CDH23: variants seen among roughly 807,000 people sequenced by gnomAD.
The protein encoded by CDH23 is cadherin-23.
A neutral mutation model predicts 317.1 loss-of-function variants in CDH23; 189 were observed. The ratio of observed to expected loss-of-function variants is 0.60; its 90% CI spans 0.53 to 0.67. The LOEUF (loss-of-function observed/expected upper bound fraction) is 0.67. Among genes scored for constraint, CDH23 ranks in the 30% least tolerant of loss-of-function variants. The pLI is 0.00. For missense variants in CDH23, 4,401 were observed against 4,592.4 expected, an observed-to-expected ratio of 0.96 and a Z score of 1.20; for synonymous variants, 1,839 against 1,876.8, an observed-to-expected ratio of 0.98 and a Z score of 0.52.
intron 38 of CDH23, among the ~76,000 whole-genome samples, chr10:71,758,086 C>A (rs1219485779): frequency 6.6e-6 from 1 of 152,192 alleles, no homozygotes; most frequent in African/African-American, 2.4e-5. Flanking sequence ...GTAATCCCAG[C>A]ACTTTGGGGA....
chr10:71,587,957 A>G (rs912508987), intron 9 of CDH23, among the ~76,000 whole-genome samples: 2 of 152,252 alleles, frequency 1.3e-5, no homozygotes, highest in Admixed American at 1.3e-4. Context: ...CAATATGGTT[A>G]CAAAGATATT....
At chr10:71,642,620 G>A (rs1439212659) in intron 11 of CDH23, among the ~76,000 whole-genome samples, 1 of 151,734 alleles carries the variant, frequency 6.6e-6, no homozygotes, top group Non-Finnish European at 1.5e-5. Flanking sequence ...GGCTGGTCTC[G>A]AACTCCTGAC....
intron 14 of CDH23, among the ~76,000 whole-genome samples, chr10:71,655,163 G>A (rs919281312): frequency 2.6e-5 from 4 of 152,212 alleles, no homozygotes; most frequent in East Asian, 1.9e-4. Context: ...AGCCTGGGAC[G>A]AGCTCTCCGT....
Position 71,807,670 on chromosome 10 carries a change from C to T in CDH23, c.8463C>T (p.Leu2821=), listed in dbSNP as rs1235419354. The T allele has an allele frequency of 3.1e-6, 5 of 1,613,920 alleles. No individual in the cohort carries two copies. The Admixed American group carries it at 6.7e-5, about 22-fold the overall frequency. ...WTPPRGPSPT[L]DLVADLTLQE... ...CTCCCCGTGGACCCTCCCCAACCCTCGACCTGGTTGCTGACCTCACACTGC... is the reference window on the plus strand; with the variant it reads ...CTCCCCGTGGACCCTCCCCAACCCTTGACCTGGTTGCTGACCTCACACTGC... Residue 2821 remains leucine (L), a synonymous_variant, in exon 59 of 70, where the codon CTC becomes CTT. Transcript: ENST00000224721.
At chr10:71,500,655 A>G (rs1853239347) in intron 3 of CDH23, among the ~76,000 whole-genome samples, 2 of 152,202 alleles carry the variant, frequency 1.3e-5, no homozygotes, top group African/African-American at 4.8e-5. Flanking sequence ...GGATTTGGAT[A>G]AAAGGCTTTG....
chr10:71,740,441 T>G, intron 36 of CDH23, among the ~76,000 whole-genome samples: 1 of 152,202 alleles, frequency 6.6e-6, no homozygotes, highest in East Asian at 1.9e-4. Flanking sequence ...GACAGAGGCC[T>G]TTGAAGCTAA....
intron 17 of CDH23, among the ~76,000 whole-genome samples, chr10:71,680,766 AAAAG>A (rs1864596630): frequency 6.7e-6 from 1 of 148,434 alleles, no homozygotes; most frequent in Non-Finnish European, 1.5e-5. Flanking sequence ...AAAAAAAAGA[AAAAG>A]AAATTGCATT....
intron 38 of CDH23, among the ~76,000 whole-genome samples, chr10:71,759,964 T>TACATACATATATATACACACACAC (rs1840281567): frequency 3.4e-5 from 2 of 59,436 alleles, no homozygotes; most frequent in African/African-American, 9.4e-5. Context: ...TACACACACA[T>TACATACATATATATACACACACAC]ATATATACAC....
chr10:71,591,083 A>T (rs950540367), intron 9 of CDH23, among the ~76,000 whole-genome samples: 9 of 151,974 alleles, frequency 5.9e-5, no homozygotes, highest in Non-Finnish European at 1.2e-4. Flanking sequence ...TTTGCTACAG[A>T]GGTAAACGTA....
chr10:71,524,227 C>T (rs769334262), intron 6 of CDH23, among the ~76,000 whole-genome samples: 21 of 152,212 alleles, frequency 1.4e-4, no homozygotes, highest in Non-Finnish European at 7.3e-5. Context: ...GGCTTTCCAC[C>T]GTGGACGGAC....
chr10:71,755,009 C>T (rs1840096790), intron 38 of CDH23: 3 of 474,378 alleles, frequency 6.3e-6, no homozygotes, highest in African/African-American at 2.0e-5. Context: ...AACAAGCACG[C>T]CCATACCTTA....
chr10:71,672,925 C>T (rs1864207315), intron 14 of CDH23, among the ~76,000 whole-genome samples: 1 of 152,102 alleles, frequency 6.6e-6, no homozygotes, highest in African/African-American at 2.4e-5. Context: ...CCCCCCATGA[C>T]CCAGGCCCCT....
intron 1 of CDH23, among the ~76,000 whole-genome samples, chr10:71,413,197 G>A (rs780040073): frequency 2.6e-5 from 4 of 152,084 alleles, no homozygotes; most frequent in Non-Finnish European, 2.9e-5. Context: ...TTTGCATGTG[G>A]ATAGACAGTT....
At chr10:71,589,988 T>A (rs1276639777) in intron 9 of CDH23, among the ~76,000 whole-genome samples, 2 of 152,224 alleles carry the variant, frequency 1.3e-5, no homozygotes, top group East Asian at 1.9e-4. Context: ...ATTTCATGGC[T>A]GGTAGGTGAT....
intron 55 of CDH23, among the ~76,000 whole-genome samples, chr10:71,804,190 C>A (rs1377760382): frequency 6.6e-6 from 1 of 152,150 alleles, no homozygotes; most frequent in African/African-American, 2.4e-5. Context: ...TTCCCCCATA[C>A]TTGTCTCAGA....
At chr10:71,760,564 T>C (rs1046872106) in intron 38 of CDH23, 51 of 294,266 alleles carry the variant, frequency 1.7e-4, no homozygotes, top group Admixed American at 8.5e-4. Context: ...GGGCGGCACT[T>C]AGCTGCCTGG....
rs368249713 is a variant in CDH23 at position 71,718,023 on chromosome 10, C to T, written c.3369+5210C>T. ...GATATTTAAATTCTACTGACGTGGA[C>T]AAGCAATCCCAGGGGGTCTGATAAA... On this transcript the variant is annotated intron_variant, in intron 28 of 69. Transcript: ENST00000224721. 3.3e-5 allele frequency: 5 copies of T among 152,222 alleles called. 1 individual carries two copies. The East Asian group carries it at 7.7e-4, about 23-fold the overall frequency. The allele number at this position is 152,222 out of a possible 1,614,324, so 9.4% of individuals were successfully genotyped here.
At chr10:71,761,724 A>G (rs933792657) in intron 38 of CDH23, 2 of 1,613,962 alleles carry the variant, frequency 1.2e-6, no homozygotes, top group Admixed American at 1.7e-5. Flanking sequence ...GTGATGGAGA[A>G]GTTGCCATGG....
At chr10:71,502,609 G>T (rs866307326) in intron 3 of CDH23, among the ~76,000 whole-genome samples, 2 of 152,210 alleles carry the variant, frequency 1.3e-5, no homozygotes, top group Non-Finnish European at 1.5e-5. Context: ...ATGCTTTCGG[G>T]TGACAGCAGT....
Sources: gnomAD v4.1 joint callset for allele counts (sites outside exome capture counted in the v4.1 genomes callset) on GRCh38, gnomAD v4.1.1 for gene constraint, MANE v1.5 for transcripts, NCBI Gene and HGNC (gene_info 2026-07-23, HGNC 2026-07-21) for gene names.